The following MACROD2 variants were observed in gnomAD, a reference collection of about 807,000 sequenced individuals.
The protein encoded by MACROD2 is ADP-ribose glycohydrolase MACROD2.
In MACROD2, 36 loss-of-function variants were observed where a neutral mutation model predicts 70.4. The observed-to-expected ratio is 0.51, with a 90% CI of 0.39 to 0.68. MACROD2 has a LOEUF of 0.68. MACROD2 is among the 30% of genes least tolerant of loss of function. The probability of loss-of-function intolerance (pLI) is 0.00; values close to 1 mark genes in which losing one functional copy is unlikely to be tolerated. For missense variants in MACROD2, 496 were observed against 538.4 expected (o/e 0.92, Z 0.78); for synonymous variants, 172 against 178.8 (o/e 0.96, Z 0.30).
intron 5 of MACROD2, among the ~76,000 whole-genome samples, chr20:14,865,934 A>G (rs1457731131): frequency 6.6e-6 from 1 of 152,116 alleles, no homozygotes; most frequent in Non-Finnish European, 1.5e-5. Flanking sequence ...AAGGAACTGG[A>G]AGGCAGCCAT....
intron 5 of MACROD2, among the ~76,000 whole-genome samples, chr20:15,028,803 G>C (rs2075252780): frequency 6.6e-6 from 1 of 152,178 alleles, no homozygotes; most frequent in Non-Finnish European, 1.5e-5. Context: ...AGGTCAGAAA[G>C]AGCATGGCAT....
At chr20:14,322,175 A>AATATATATATATATGTATATATAT (rs2082667309) in intron 3 of MACROD2, among the ~76,000 whole-genome samples, 1 of 66,376 alleles carries the variant, frequency 1.5e-5, no homozygotes, top group Non-Finnish European at 3.5e-5. Flanking sequence ...ATTCTATTGA[A>AATATATATATATATGTATATATAT]ATATATATAT....
At chr20:14,368,839 G>C (rs913563283) in intron 3 of MACROD2, among the ~76,000 whole-genome samples, 15 of 152,058 alleles carry the variant, frequency 9.9e-5, no homozygotes, top group African/African-American at 3.4e-4. Flanking sequence ...TAAAAATCAA[G>C]AAAAACAAAA....
chr20:15,438,658 T>C (rs1031401405), intron 7 of MACROD2, among the ~76,000 whole-genome samples: 2 of 152,196 alleles, frequency 1.3e-5, no homozygotes, highest in African/African-American at 2.4e-5. Context: ...AGGACAATTA[T>C]CAACTGCTTC....
At chr20:14,983,307 C>G (rs1434113984) in intron 5 of MACROD2, among the ~76,000 whole-genome samples, 3 of 152,042 alleles carry the variant, frequency 2.0e-5, no homozygotes, top group African/African-American at 7.2e-5. Flanking sequence ...GGACTGTGGA[C>G]TTTTGGGTTA....
chr20:14,664,712 AT>A (rs1053529957), intron 4 of MACROD2, among the ~76,000 whole-genome samples: 2 of 152,104 alleles, frequency 1.3e-5, no homozygotes, highest in African/African-American at 4.8e-5. Context: ...TATAATGCCT[AT>A]TATTTTATCA....
intron 5 of MACROD2, among the ~76,000 whole-genome samples, chr20:15,161,808 A>G (rs1284354393): frequency 1.3e-5 from 2 of 152,076 alleles, no homozygotes; most frequent in Admixed American, 6.6e-5. Flanking sequence ...TTCCTCATCA[A>G]TGTTTAAACA....
At chr20:15,176,380 G>A (rs2076462133) in intron 5 of MACROD2, among the ~76,000 whole-genome samples, 1 of 152,196 alleles carries the variant, frequency 6.6e-6, no homozygotes, top group Admixed American at 6.5e-5. Context: ...GCAGCCCAGA[G>A]TGAGAACTTA....
intron 6 of MACROD2, among the ~76,000 whole-genome samples, chr20:15,254,632 T>C (rs2146033183): frequency 6.6e-6 from 1 of 152,292 alleles, no homozygotes; most frequent in Admixed American, 6.5e-5. Context: ...TCATAGTACC[T>C]GAGTATACCT....
At chr20:15,048,508 G>T (rs1568548576) in intron 5 of MACROD2, among the ~76,000 whole-genome samples, 1 of 151,202 alleles carries the variant, frequency 6.6e-6, no homozygotes, top group African/African-American at 2.4e-5. Flanking sequence ...ACCTTACAGG[G>T]TTATTATAAA....
At chr20:15,194,204 C>T (rs573003219) in intron 5 of MACROD2, among the ~76,000 whole-genome samples, 4 of 123,418 alleles carry the variant, frequency 3.2e-5, no homozygotes, top group Non-Finnish European at 4.7e-5. Context: ...TGAGATTGAG[C>T]CACTGAACTT....
At chr20:14,088,856 A>G (rs1357964243) in intron 3 of MACROD2, among the ~76,000 whole-genome samples, 2 of 151,044 alleles carry the variant, frequency 1.3e-5, no homozygotes, top group African/African-American at 4.9e-5. Flanking sequence ...CTAATAGGAC[A>G]TTCAGCATTG....
At chr20:15,463,131 G>C (rs755166710) in intron 7 of MACROD2, among the ~76,000 whole-genome samples, 3 of 152,174 alleles carry the variant, frequency 2.0e-5, no homozygotes, top group Non-Finnish European at 4.4e-5. Context: ...GTTCCCCTGG[G>C]AGATCATGGT....
chr20:15,338,687 G>C (rs1469614774), intron 6 of MACROD2, among the ~76,000 whole-genome samples: 1 of 151,598 alleles, frequency 6.6e-6, no homozygotes, highest in African/African-American at 2.4e-5. Flanking sequence ...CAGGCCTAGG[G>C]GGGTAAGTTA....
chr20:14,112,440 A>G (rs2054463841), intron 3 of MACROD2, among the ~76,000 whole-genome samples: 1 of 152,052 alleles, frequency 6.6e-6, no homozygotes, highest in Admixed American at 6.6e-5. Flanking sequence ...TGATTATTAC[A>G]CATTGCATTC....
intron 5 of MACROD2, among the ~76,000 whole-genome samples, chr20:15,054,945 G>GGTTTT (rs2075471928): frequency 9.4e-6 from 1 of 106,122 alleles, no homozygotes; most frequent in African/African-American, 3.8e-5. Context: ...GCCACATCTA[G>GGTTTT]CTTTTTTTTT....
At chr20:14,302,211 G>C (rs1224269367) in intron 3 of MACROD2, among the ~76,000 whole-genome samples, 2 of 152,116 alleles carry the variant, frequency 1.3e-5, no homozygotes, top group Non-Finnish European at 2.9e-5. Context: ...CTGCTTCCAG[G>C]AGCATTCAGA....
At position 15,853,356 on chromosome 20, in the gene MACROD2, G is replaced by C. The variant is rs564007368; in HGVS notation, c.646-9389G>C. On this transcript the variant is annotated intron_variant, in intron 8 of 17. Coordinates refer to ENST00000684519, the MANE Select transcript of MACROD2 (RefSeq NM_001351661.2). ...CTAAGATGATCTTTCAGATTCCTAAGTCATGGTGTACACAGACCTCCCAAT... is the reference window on the plus strand; with the variant it reads ...CTAAGATGATCTTTCAGATTCCTAACTCATGGTGTACACAGACCTCCCAAT... Among the ~76,000 whole-genome samples the C allele has an allele frequency of 1.9e-4, 29 of 152,260 alleles. No individual in the cohort carries two copies. The East Asian group carries it at 4.1e-3, about 21-fold the overall frequency.
intron 2 of MACROD2, among the ~76,000 whole-genome samples, chr20:14,031,859 G>C (rs1176613560): frequency 6.6e-6 from 1 of 151,904 alleles, no homozygotes; most frequent in Admixed American, 6.6e-5. Flanking sequence ...ATTGTTCTAA[G>C]GATTAACAAA....
Sources: allele counts gnomAD v4.1 joint callset (sites outside exome capture counted in the v4.1 genomes callset), GRCh38; gene constraint gnomAD v4.1.1; transcripts MANE v1.5; gene names NCBI Gene and HGNC (gene_info 2026-07-23, HGNC 2026-07-21).